The following SMIM35 variants were observed in gnomAD, a reference collection of about 807,000 sequenced individuals.
The protein encoded by SMIM35 is TMPRSS4 antisense RNA 1 (non-protein coding).
chr11:118,082,278 C>T (rs1591335297), intron 1 of SMIM35, among the ~76,000 whole-genome samples: 2 of 152,178 alleles, frequency 1.3e-5, no homozygotes, highest in African/African-American at 2.4e-5. Context: ...AATTGAGGCT[C>T]AGCCGGGTGT....
rs117261392 is a variant in SMIM35 at position 118,027,797 on chromosome 11, T to A, written c.8-11988A>T. 3.9e-5 allele frequency among the ~76,000 whole-genome samples: 6 copies of A among 152,200 alleles called. No individual in the cohort carries two copies. In the South Asian group the frequency reaches 1.2e-3, roughly 31 times the overall value. On this transcript the variant is annotated intron_variant, in intron 1 of 4. Transcript: ENST00000689828. ...AGCAGTTTCAGACCACAAAGGTGTTTGAGAGAATGAGGCTCTTCAAAACGG... is the reference window on the plus strand; with the variant it reads ...AGCAGTTTCAGACCACAAAGGTGTTAGAGAGAATGAGGCTCTTCAAAACGG...
intron 4 of SMIM35, among the ~76,000 whole-genome samples, chr11:118,007,297 G>C (rs1281894082): frequency 6.6e-6 from 1 of 152,244 alleles, no homozygotes; most frequent in African/African-American, 2.4e-5. Context: ...GAGTCCTCAG[G>C]TCCAATGGCA....
intron 1 of SMIM35, chr11:118,029,834 A>T (rs1244543077): frequency 4.4e-6 from 2 of 456,442 alleles, no homozygotes; most frequent in African/African-American, 4.0e-5. Context: ...TTGTTTCCGC[A>T]GTCTTAATGC....
chr11:118,009,096 T>A (rs1183668118), intron 4 of SMIM35, among the ~76,000 whole-genome samples: 2 of 151,868 alleles, frequency 1.3e-5, no homozygotes, highest in African/African-American at 4.8e-5. Context: ...GATTTGGAGG[T>A]CAAGGAAGTT....
intron 1 of SMIM35, among the ~76,000 whole-genome samples, chr11:118,023,898 GGTGGC>G (rs2058252529): frequency 6.6e-6 from 1 of 151,990 alleles, no homozygotes; most frequent in African/African-American, 2.4e-5. Flanking sequence ...AGCCAGGTGT[GGTGGC>G]GTGTGCCTGT....
intron 1 of SMIM35, among the ~76,000 whole-genome samples, chr11:118,037,195 C>T (rs1474127693): frequency 2.6e-5 from 4 of 152,116 alleles, no homozygotes; most frequent in African/African-American, 4.8e-5. Context: ...GGTGTAGTAG[C>T]GGTTGTGCAG....
intron 1 of SMIM35, among the ~76,000 whole-genome samples, chr11:118,051,609 A>G (rs73598981): frequency 0.032 from 4,934 of 152,246 alleles, 236 homozygotes; most frequent in African/African-American, 0.11. Context: ...AGCTCTCCCA[A>G]CAGCCCAAGA....
At chr11:118,078,751 A>T (rs1365661954) in intron 1 of SMIM35, among the ~76,000 whole-genome samples, 1 of 152,182 alleles carries the variant, frequency 6.6e-6, no homozygotes, top group African/African-American at 2.4e-5. Flanking sequence ...CACTAACTGC[A>T]GAATCAGAAG....
intron 1 of SMIM35, among the ~76,000 whole-genome samples, chr11:118,070,115 A>G (rs1159503463): frequency 2.0e-5 from 3 of 152,238 alleles, no homozygotes; most frequent in Non-Finnish European, 2.9e-5. Flanking sequence ...TTATCCGGAT[A>G]CTGAGAAAAA....
intron 4 of SMIM35, among the ~76,000 whole-genome samples, chr11:118,012,756 C>T: frequency 6.6e-6 from 1 of 152,170 alleles, no homozygotes; most frequent in East Asian, 1.9e-4. Flanking sequence ...AGTCGAGGCC[C>T]AGCTCAGTCT....
At chr11:118,054,257 AACT>A (rs1417304996) in intron 1 of SMIM35, among the ~76,000 whole-genome samples, 2 of 151,538 alleles carry the variant, frequency 1.3e-5, no homozygotes, top group Non-Finnish European at 2.9e-5. Flanking sequence ...TCACCATGTC[AACT>A]TTGTGTGGAC....
chr11:118,066,864 A>ATT (rs200974192), intron 1 of SMIM35, among the ~76,000 whole-genome samples: 1 of 147,312 alleles, frequency 6.8e-6, no homozygotes, highest in African/African-American at 2.5e-5. Flanking sequence ...ATAATTCTGG[A>ATT]TTTTTTTTTT....
At chr11:118,048,525 AGGAAGAAAGAAAGAAG>A (rs1944140775) in intron 1 of SMIM35, among the ~76,000 whole-genome samples, 1 of 145,802 alleles carries the variant, frequency 6.9e-6, no homozygotes, top group Admixed American at 7.0e-5. Context: ...TAAGAAAGAA[AGGAAGAAAGAAAGAAG>A]GAAGGAAGGA....
At chr11:118,010,304 C>A (rs987362899) in intron 4 of SMIM35, among the ~76,000 whole-genome samples, 6 of 152,134 alleles carry the variant, frequency 3.9e-5, no homozygotes, top group African/African-American at 1.4e-4. Flanking sequence ...GGCACCTGGC[C>A]CCCTCCAATG....
chr11:118,074,917 C>T (rs1786186), intron 1 of SMIM35, among the ~76,000 whole-genome samples: 26,049 of 152,030 alleles, frequency 0.17, 2,397 homozygotes, highest in East Asian at 0.3. Flanking sequence ...GTGCCTTCTT[C>T]CCGGACCTCT....
intron 2 of SMIM35, among the ~76,000 whole-genome samples, chr11:118,015,429 G>A (rs1053338561): frequency 1.3e-5 from 2 of 152,150 alleles, no homozygotes; most frequent in East Asian, 1.9e-4. Flanking sequence ...TGGCATGGAC[G>A]TCTATGGGCT....
chr11:118,037,612 C>T (rs894848484), intron 1 of SMIM35, among the ~76,000 whole-genome samples: 6 of 152,146 alleles, frequency 3.9e-5, no homozygotes, highest in Admixed American at 2.0e-4. Flanking sequence ...CGGCGGTTAG[C>T]AAGTTTAAAG....
rs11605957 is a variant in SMIM35 at position 118,049,506 on chromosome 11, G to T, written c.8-33697C>A. Among the ~76,000 whole-genome samples the T allele has an allele frequency of 4.0e-5, 6 of 151,272 alleles. No individual in the cohort carries two copies. In the South Asian group the frequency reaches 8.4e-4, roughly 21 times the overall value. On this transcript the variant is annotated intron_variant, in intron 1 of 4. Transcript: ENST00000689828. ...TGGGATTACAGGCACACACCACCAC[G>T]CCCGGCTAATTTTTGTATTTTTAGT... is the stretch of plus-strand genomic sequence containing the variant.
At chr11:118,056,426 G>T (rs1287259597) in intron 1 of SMIM35, among the ~76,000 whole-genome samples, 1 of 152,166 alleles carries the variant, frequency 6.6e-6, no homozygotes, top group Non-Finnish European at 1.5e-5. Context: ...AGGCAACAGG[G>T]TGGATGGCAA....
Sources: gnomAD v4.1 joint callset for allele counts (sites outside exome capture counted in the v4.1 genomes callset) on GRCh38, gnomAD v4.1.1 for gene constraint, MANE v1.5 for transcripts, NCBI Gene and HGNC (gene_info 2026-07-23, HGNC 2026-07-21) for gene names.